The following ZC3H12C variants were observed in gnomAD, a reference collection of about 807,000 sequenced individuals.
ZC3H12C encodes the protein zinc finger CCCH-type containing 12C, also known as probable ribonuclease ZC3H12C.
In ZC3H12C, 20 loss-of-function variants were observed where a neutral mutation model predicts 76.3. The ratio of observed to expected loss-of-function variants is 0.26; its 90% CI spans 0.18 to 0.38. The LOEUF is 0.38. Among genes scored for constraint, ZC3H12C ranks in the 10% least tolerant of loss-of-function variants. ZC3H12C has a pLI of 1.00. For synonymous variants in ZC3H12C, 352 were observed against 399.6 expected (o/e 0.88, Z 1.42); for missense variants, 874 against 1,086.5 (o/e 0.80, Z 2.75).
chr11:110,150,540 T>C (rs993980744), intron 2 of ZC3H12C, among the ~76,000 whole-genome samples: 61 of 152,142 alleles, frequency 4.0e-4, no homozygotes, highest in African/African-American at 1.3e-3. Context: ...GAGTGTATTG[T>C]ATGTATGGTA....
chr11:110,093,520 G>A, intron 1 of ZC3H12C, 88 bp downstream of exon 1: 1 of 1,012,002 alleles, frequency 9.9e-7, no homozygotes, highest in Non-Finnish European at 1.2e-6. Context: ...GCGGGGCCGC[G>A]CCCGGGCGCC....
At chr11:110,102,219 C>CA (rs1386291092) in intron 1 of ZC3H12C, among the ~76,000 whole-genome samples, 1 of 148,956 alleles carries the variant, frequency 6.7e-6, no homozygotes, top group Non-Finnish European at 1.5e-5. Context: ...TGGATCTGGG[C>CA]AAAATACACT....
At position 110,106,275 on chromosome 11, in the gene ZC3H12C, AT is replaced by A. The variant is rs1375741704; in HGVS notation, c.21+12844del. Among the ~76,000 whole-genome samples the A allele has an allele frequency of 1.0e-4, 15 of 148,172 alleles. 6 individuals are homozygous for A. Among genetic ancestry groups the A allele is most frequent in the African/African-American group, 3.9e-4 (15 of 38,752 alleles). On this transcript the variant is annotated intron_variant, in intron 1 of 5. Coordinates refer to ENST00000278590, the MANE Select transcript of ZC3H12C (RefSeq NM_033390.2). ...AGAGCGAGACTCCGTCTCAAAAAAA[AT>A]AAATAAATAAATAAATAAATAAATA... is the stretch of plus-strand genomic sequence containing the variant.
chr11:110,145,711 G>A (rs1255071176), intron 2 of ZC3H12C, among the ~76,000 whole-genome samples: 1 of 152,036 alleles, frequency 6.6e-6, no homozygotes, highest in Non-Finnish European at 1.5e-5. Context: ...GTGGCCCATA[G>A]CATGGAAGAT....
intron 2 of ZC3H12C, among the ~76,000 whole-genome samples, chr11:110,145,598 TGG>T (rs1174691796): frequency 1.5e-5 from 2 of 133,058 alleles, no homozygotes; most frequent in Admixed American, 1.5e-4. Context: ...TTACAGAAAT[TGG>T]GGGCGGGGGG....
intron 1 of ZC3H12C, among the ~76,000 whole-genome samples, chr11:110,135,531 A>G (rs1179226700): frequency 2.0e-5 from 3 of 150,988 alleles, no homozygotes; most frequent in South Asian, 2.1e-4. Context: ...TGATGTGGAT[A>G]TAGTTCTTAC....
intron 1 of ZC3H12C, among the ~76,000 whole-genome samples, chr11:110,128,824 A>G (rs1255575765): frequency 1.4e-5 from 2 of 145,542 alleles, no homozygotes; most frequent in Non-Finnish European, 3.0e-5. Context: ...CCCTTCTCTT[A>G]TTCTTTTCAG....
chr11:110,145,686 T>G (rs998879073), intron 2 of ZC3H12C, among the ~76,000 whole-genome samples: 1 of 152,056 alleles, frequency 6.6e-6, no homozygotes, highest in Non-Finnish European at 1.5e-5. Context: ...TTAGGATGCC[T>G]CTCTTCTTCA....
chr11:110,153,072 A>C lies in ZC3H12C; in HGVS notation c.913+14A>C, dbSNP rs1219935159. The C allele has an allele frequency of 1.2e-6, 2 of 1,607,396 alleles. No individual in the cohort carries two copies. Among genetic ancestry groups the C allele is most frequent in the African/African-American group, 2.7e-5 (2 of 74,752 alleles). ...CTCTCATTACAGGTAGGCTTATTCC[A>C]GGCGGCTGCTTGTACCTAGCTTTCC... On this transcript the variant is annotated intron_variant, in intron 3 of 5. Coordinates refer to ENST00000278590, the MANE Select transcript of ZC3H12C (RefSeq NM_033390.2).
chr11:110,138,761 G>A (rs949691827), intron 2 of ZC3H12C, among the ~76,000 whole-genome samples: 2 of 152,006 alleles, frequency 1.3e-5, no homozygotes, highest in African/African-American at 4.8e-5. Context: ...GTTTTACCAT[G>A]TTGGCCAGGC....
chr11:110,165,839 G>C lies in ZC3H12C; in HGVS notation c.*102G>C. 1 of 1,081,270 alleles carries C rather than the reference G, an allele frequency of 9.2e-7. No homozygotes were observed. The highest frequency in any genetic ancestry group is 1.3e-6 in the Non-Finnish European group (1 of 766,990). The allele number at this position is 1,081,270 out of a possible 1,614,324, so 67.0% of individuals were successfully genotyped here. Reference sequence around the variant, plus strand: ...ATGTGATCTCCTTCTCAGCAAGGAGGTTATATAGTATCCATTTATGTGAAA... The same window carrying C: ...ATGTGATCTCCTTCTCAGCAAGGAGCTTATATAGTATCCATTTATGTGAAA... On this transcript the variant is annotated 3_prime_UTR_variant, in exon 6 of 6. Transcript: ENST00000278590.
chr11:110,135,373 C>T lies in ZC3H12C; in HGVS notation c.22-1290C>T, dbSNP rs2134175122. 1.3e-5 allele frequency among the ~76,000 whole-genome samples: 2 copies of T among 151,564 alleles called. 1 individual carries two copies. The highest frequency in any genetic ancestry group is 4.2e-4 in the South Asian group (2 of 4,782). On this transcript the variant is annotated intron_variant, in intron 1 of 5. Coordinates refer to ENST00000278590, the MANE Select transcript of ZC3H12C (RefSeq NM_033390.2). ...AGCATGGTGGCACTCACCTGTAATC[C>T]CAGCTACTCAGGAGGCTGAGGCAGG...
At chr11:110,132,404 T>C (rs750469191) in intron 1 of ZC3H12C, among the ~76,000 whole-genome samples, 2 of 152,146 alleles carry the variant, frequency 1.3e-5, no homozygotes, top group Admixed American at 6.5e-5. Flanking sequence ...TTTTGATAAT[T>C]AAAAGAATTA....
chr11:110,137,562 G>C, intron 2 of ZC3H12C, 148 bp downstream of exon 2: 1 of 1,060,214 alleles, frequency 9.4e-7, no homozygotes, highest in Non-Finnish European at 1.3e-6. Context: ...TTAGTTTTCC[G>C]TCTCTCTTCT....
intron 4 of ZC3H12C, among the ~76,000 whole-genome samples, chr11:110,160,122 T>C (rs772244727): frequency 1.3e-5 from 2 of 152,362 alleles, no homozygotes; most frequent in African/African-American, 4.8e-5. Context: ...GAGGTATATA[T>C]ACCATAAAAT....
At chr11:110,093,703 G>A (rs1861055849) in intron 1 of ZC3H12C, among the ~76,000 whole-genome samples, 1 of 152,074 alleles carries the variant, frequency 6.6e-6, no homozygotes, top group African/African-American at 2.4e-5. Context: ...CGGGCGAGGT[G>A]AGGCCGGGCT....
intron 3 of ZC3H12C, among the ~76,000 whole-genome samples, chr11:110,158,016 TA>T (rs1203083829): frequency 6.6e-6 from 1 of 151,968 alleles, no homozygotes; most frequent in African/African-American, 2.4e-5. Context: ...AGCTTTTTTT[TA>T]AAAAAAATCA....
chr11:110,119,588 C>G (rs114333145), intron 1 of ZC3H12C, among the ~76,000 whole-genome samples: 1,739 of 152,316 alleles, frequency 0.011, 31 homozygotes, highest in African/African-American at 0.039. Context: ...CATCTCACAG[C>G]TTTGTTCCTG....
At chr11:110,117,695 A>G (rs988587986) in intron 1 of ZC3H12C, among the ~76,000 whole-genome samples, 1 of 134,360 alleles carries the variant, frequency 7.4e-6, no homozygotes. Flanking sequence ...ATACACACAC[A>G]CATATATATT....
Sources: gnomAD v4.1 joint callset for allele counts (sites outside exome capture counted in the v4.1 genomes callset) on GRCh38, gnomAD v4.1.1 for gene constraint, MANE v1.5 for transcripts, NCBI Gene and HGNC (gene_info 2026-07-23, HGNC 2026-07-21) for gene names.